The following PCDHGB5 variants were observed in gnomAD, a reference collection of about 807,000 sequenced individuals.
The protein encoded by PCDHGB5 is protocadherin gamma-B5.
PCDHGB5 carries 48 observed loss-of-function variants against 62.9 expected under a neutral mutation model. That is an observed-to-expected ratio of 0.76 (90% CI 0.61 to 0.97). The LOEUF (loss-of-function observed/expected upper bound fraction) is 0.97, where lower values mean the gene tolerates loss of function less well. PCDHGB5 is among the 50% of genes least tolerant of loss of function. The probability of loss-of-function intolerance (pLI) is 0.00; values close to 1 mark genes in which losing one functional copy is unlikely to be tolerated. For synonymous variants in PCDHGB5, 474 were observed against 511.2 expected (o/e 0.93, Z 0.98); for missense variants, 1,118 against 1,198.6 (o/e 0.93, Z 0.99).
chr5:141,439,333 G>A (rs964224344), intron 1 of PCDHGB5, among the ~76,000 whole-genome samples: 1 of 152,154 alleles, frequency 6.6e-6, no homozygotes, highest in Non-Finnish European at 1.5e-5. Flanking sequence ...TGGAAAGAAA[G>A]ATTCTAAGCC....
intron 1 of PCDHGB5, chr5:141,419,932 C>T: frequency 6.2e-7 from 1 of 1,614,090 alleles, no homozygotes; most frequent in Non-Finnish European, 8.5e-7. Flanking sequence ...TGCAGTTTTA[C>T]CTGGTGGTGG....
chr5:141,430,970 A>G (rs1026736997), intron 1 of PCDHGB5: 3 of 1,613,068 alleles, frequency 1.9e-6, no homozygotes, highest in Non-Finnish European at 2.5e-6. Context: ...CCCCAGAGGT[A>G]GGACGCAGCT....
rs898536568 is a variant in PCDHGB5 at position 141,478,080 on chromosome 5, C to T, written c.2398-16727C>T. The T allele has an allele frequency of 1.9e-6, 3 of 1,614,012 alleles. No homozygotes were observed. The Admixed American group carries it at 5.0e-5, about 27-fold the overall frequency. The stretch of plus-strand genomic sequence containing the variant: ...TTGATCAAAGACAATGGGGAGCCTT[C>T]GCTCTCCACCACTGCTACCCTCACT... On this transcript the variant is annotated intron_variant, in intron 1 of 3. Coordinates refer to ENST00000617380, the MANE Select transcript of PCDHGB5 (RefSeq NM_018925.3).
At chr5:141,415,083 G>T (rs747351388) in intron 1 of PCDHGB5, 1 of 1,613,514 alleles carries the variant, frequency 6.2e-7, no homozygotes. Context: ...CGCGAGCCCT[G>T]CTGGACAGAG....
intron 1 of PCDHGB5, chr5:141,413,963 C>T (rs1368202031): frequency 6.8e-6 from 11 of 1,613,446 alleles, no homozygotes; most frequent in Non-Finnish European, 9.3e-6. Context: ...CCTGTGGGCA[C>T]TCAGCTGCTG....
At position 141,477,879 on chromosome 5, in the gene PCDHGB5, A is replaced by T. The variant is rs932363258; in HGVS notation, c.2398-16928A>T. The T allele has an allele frequency of 3.4e-5, 55 of 1,614,060 alleles. No homozygotes were observed. The highest frequency in any genetic ancestry group is 4.6e-5 in the Non-Finnish European group (54 of 1,180,034). ...CTGCCTCGAGGTACCTCAGCTGGCCACCTAGTGTCACGGGTGGTAGGCTGG... is the reference window on the plus strand; with the variant it reads ...CTGCCTCGAGGTACCTCAGCTGGCCTCCTAGTGTCACGGGTGGTAGGCTGG... On this transcript the variant is annotated intron_variant, in intron 1 of 3. Coordinates refer to ENST00000617380, the MANE Select transcript of PCDHGB5 (RefSeq NM_018925.3). This position sits in a 1 kb window ranked among gnomAD's most constrained non-coding sequence, Gnocchi z 4.9.
Position 141,503,989 on chromosome 5 carries a change from C to T in PCDHGB5, c.2457-1404C>T, listed in dbSNP as rs534696225. Among the ~76,000 whole-genome samples the T allele has an allele frequency of 2.6e-5, 4 of 152,312 alleles. No individual in the cohort carries two copies. The South Asian group carries it at 8.3e-4, about 32-fold the overall frequency. On this transcript the variant is annotated intron_variant, in intron 2 of 3. Transcript: ENST00000617380. ...CATGGTGCCAAACCCTTCTTCTTAC[C>T]TTACAGTCACTTAACTGTCTCTGCT...
intron 1 of PCDHGB5, chr5:141,409,456 C>T: frequency 1.2e-6 from 2 of 1,613,974 alleles, no homozygotes; most frequent in Middle Eastern, 3.3e-4. Context: ...CACCAGAATA[C>T]AATGTCACCA....
rs747671382 is a variant in PCDHGB5 at position 141,444,152 on chromosome 5, A to ATTTTTT, written c.2397+43659_2397+43664dup. ...GATATGTGTCACTTGTGTGTACTGG[A>ATTTTTT]TTTTTTTTTTTTTTTTTTTTTTTTT... On this transcript the variant is annotated intron_variant, in intron 1 of 3. Coordinates refer to ENST00000617380, the MANE Select transcript of PCDHGB5 (RefSeq NM_018925.3). Among the ~76,000 whole-genome samples the ATTTTTT allele has an allele frequency of 3.5e-4, 12 of 33,898 alleles. 1 individual carries two copies. Among genetic ancestry groups the ATTTTTT allele is most frequent in the African/African-American group, 4.2e-4 (3 of 7,184 alleles). The allele number at this position is 33,898 out of a possible 152,430, so 22.2% of individuals were successfully genotyped here.
Position 141,489,999 on chromosome 5 carries a change from GA to G in PCDHGB5, c.2398-4806del. On this transcript the variant is annotated intron_variant, in intron 1 of 3. Transcript: ENST00000617380. The surrounding 1 kb of genome is among the most constrained non-coding windows in gnomAD (Gnocchi z 4.5). ...CAGTTCTACGTGTGGGAATCCCAGA[GA>G]ATGCACCCATTGGTACTCTGCTGCT... 1 of 1,614,242 alleles carries G rather than the reference GA, an allele frequency of 6.2e-7. No individual in the cohort carries two copies. Among genetic ancestry groups the G allele is most frequent in the Non-Finnish European group, 8.5e-7 (1 of 1,180,032 alleles).
intron 1 of PCDHGB5, chr5:141,441,516 C>T (rs1034274864): frequency 4.0e-5 from 7 of 173,082 alleles, no homozygotes; most frequent in Non-Finnish European, 8.7e-5. Flanking sequence ...ACGTCGTCCA[C>T]GTGGCCAAGA....
rs761831761 is a variant in PCDHGB5 at position 141,485,471 on chromosome 5, G to A, written c.2398-9336G>A. The A allele has an allele frequency of 4.3e-6, 7 of 1,614,144 alleles. No homozygotes were observed. The Admixed American group carries it at 5.0e-5, about 12-fold the overall frequency. On this transcript the variant is annotated intron_variant, in intron 1 of 3. Transcript: ENST00000617380. This position sits in a 1 kb window ranked among gnomAD's most constrained non-coding sequence, Gnocchi z 5.7. ...CCGAGAGGCACTGTGTGGGCTCAGT[G>A]CCAGCTGCATCGTGCCCCTGGAGTT...
At chr5:141,409,163 G>A in intron 1 of PCDHGB5, 1 of 1,614,026 alleles carries the variant, frequency 6.2e-7, no homozygotes. Context: ...GGAAGTGGAA[G>A]CGAAGGACGG....
In PCDHGB5 at chr5:141,400,023, C is replaced by T. The variant is rs755667675; in HGVS notation, c.1896C>T (p.Asp632=). 1.1e-5 allele frequency: 18 copies of T among 1,612,872 alleles called. No homozygotes were observed. Among genetic ancestry groups the T allele is most frequent in the Non-Finnish European group, 1.3e-5 (15 of 1,179,720 alleles). ...CAGCGCGTGCCTTGGGCGACAGGGA[C>T]GCGGCCCGCCAGCGCCTGCTGGTTG... ...VRTARALGDR[D]AARQRLLVAV... Residue 632 remains aspartate, a synonymous_variant, in exon 1 of 4, where the codon GAC becomes GAT. Transcript: ENST00000617380.
chr5:141,465,429 A>G (rs1191638112), intron 1 of PCDHGB5, among the ~76,000 whole-genome samples: 2 of 152,316 alleles, frequency 1.3e-5, no homozygotes, highest in East Asian at 3.9e-4. Context: ...AAAGGTGGGC[A>G]CTTAATGATT....
rs376819906 is a variant in PCDHGB5 at position 141,418,227 on chromosome 5, T to C, written c.2397+17703T>C. On this transcript the variant is annotated intron_variant, in intron 1 of 3. Transcript: ENST00000617380. ...AATATTTTTCATGTCATTGTGGTGA[T>C]TGAGGATGTTAATGACCACGCCCCT... The C allele has an allele frequency of 6.8e-6, 11 of 1,613,856 alleles. No homozygotes were observed. In the South Asian group the frequency reaches 7.7e-5, roughly 11 times the overall value.
intron 1 of PCDHGB5, chr5:141,403,391 G>GT (rs2154533404): frequency 1.2e-6 from 2 of 1,614,046 alleles, no homozygotes; most frequent in Admixed American, 3.3e-5. Flanking sequence ...CGAAATCGCG[G>GT]TTCCTGGAGC....
At chr5:141,404,089 T>A in intron 1 of PCDHGB5, 2 of 1,613,496 alleles carry the variant, frequency 1.2e-6, no homozygotes, top group Non-Finnish European at 1.7e-6. Flanking sequence ...CCGGGAAGAA[T>A]GGTCAAGTTG....
At position 141,443,088 on chromosome 5, in the gene PCDHGB5, T is replaced by C. The variant is rs188899890; in HGVS notation, c.2397+42564T>C. On this transcript the variant is annotated intron_variant, in intron 1 of 3. Transcript: ENST00000617380. ...CGTCTTATGACTGAGTGTTCCAGTC[T>C]CCTTCTCAAGCTGAACCTTGCTTTT... is the stretch of plus-strand genomic sequence containing the variant. 2.9e-3 allele frequency among the ~76,000 whole-genome samples: 446 copies of C among 152,092 alleles called. 1 individual carries two copies. Among genetic ancestry groups the C allele is most frequent in the Middle Eastern group, 0.014 (4 of 294 alleles).
Sources: allele counts gnomAD v4.1 joint callset (sites outside exome capture counted in the v4.1 genomes callset), GRCh38; gene constraint gnomAD v4.1.1; non-coding constraint Gnocchi (gnomAD v3.1); transcripts MANE v1.5; gene names NCBI Gene and HGNC (gene_info 2026-07-23, HGNC 2026-07-21).